OIP5: variants seen among roughly 807,000 people sequenced by gnomAD.
OIP5 encodes the protein protein Mis18-beta.
OIP5 carries 24 observed loss-of-function variants against 20.3 expected under a neutral mutation model. The observed-to-expected ratio is 1.18, with a 90% CI of 0.86 to 1.66. OIP5 has a LOEUF of 1.66. OIP5 is among the 40% of genes most tolerant of loss of function. The pLI is 0.00. For missense variants in OIP5, 339 were observed against 289.5 expected (o/e 1.17, Z -1.24); for synonymous variants, 143 against 121.3 (o/e 1.18, Z -1.17).
intron 2 of OIP5, among the ~76,000 whole-genome samples, chr15:41,325,869 TGC>T (rs2047858892): frequency 6.8e-6 from 1 of 146,532 alleles, no homozygotes; most frequent in Non-Finnish European, 1.5e-5. Flanking sequence ...AAAAAAAAAT[TGC>T]ATTACCTGGG....
intron 2 of OIP5, among the ~76,000 whole-genome samples, chr15:41,322,597 T>C (rs533000319): frequency 6.6e-6 from 1 of 152,178 alleles, no homozygotes; most frequent in South Asian, 2.1e-4. Flanking sequence ...TCTTACTTTG[T>C]TTCCCAGGCT....
At position 41,329,104 on chromosome 15, in the gene OIP5, C is replaced by T. The variant is rs569676768; in HGVS notation, c.389+2811G>A. Among the ~76,000 whole-genome samples, 138 of 141,500 alleles carry T rather than the reference C, an allele frequency of 9.8e-4. 1 individual carries two copies. The highest frequency in any genetic ancestry group is 1.8e-3 in the Admixed American group (26 of 14,224). The allele number at this position is 141,500 out of a possible 152,430, so 92.8% of individuals were successfully genotyped here. A position where few individuals can be genotyped will look rare whatever the true frequency, so the allele number is the denominator to read the frequency against. On this transcript the variant is annotated intron_variant, in intron 2 of 4. Transcript: ENST00000220514. Reference sequence around the variant, plus strand: ...AAAAAAAAAAAAAGAATAAAAAGAACCCGAGTCTGCTGTCTCTAAAATTTA... The same window carrying T: ...AAAAAAAAAAAAAGAATAAAAAGAATCCGAGTCTGCTGTCTCTAAAATTTA...
rs183523074 is a variant in OIP5, at chr15:41,309,353, G to A, written c.*401C>T. ...ACAGAAGTTAAAAAGTGATGTATTA[G>A]TATTCATAACAACTGCTCCATGCAG... On this transcript the variant is annotated 3_prime_UTR_variant, in exon 5 of 5. Transcript: ENST00000220514. The A allele has an allele frequency of 1.3e-5, 2 of 155,122 alleles. No individual in the cohort carries two copies. The highest frequency in any genetic ancestry group is 3.8e-4 in the East Asian group (2 of 5,268). The allele number at this position is 155,122 out of a possible 1,614,324, so 9.6% of individuals were successfully genotyped here.
chr15:41,314,036 GCA>G (rs2047774971), intron 3 of OIP5, among the ~76,000 whole-genome samples: 1 of 152,048 alleles, frequency 6.6e-6, no homozygotes, highest in Non-Finnish European at 1.5e-5. Context: ...GGATCCTGTA[GCA>G]CAGTTTGAAA....
chr15:41,323,740 G>A (rs1431630463), intron 2 of OIP5, among the ~76,000 whole-genome samples: 4 of 151,964 alleles, frequency 2.6e-5, no homozygotes, highest in Non-Finnish European at 5.9e-5. Flanking sequence ...CAAAGTGCTG[G>A]GATTACACAT....
chr15:41,323,352 A>G (rs748093209), intron 2 of OIP5, among the ~76,000 whole-genome samples: 9 of 152,152 alleles, frequency 5.9e-5, no homozygotes, highest in Non-Finnish European at 8.8e-5. Context: ...GGGTTTCCAG[A>G]AGGTTTTTGA....
At chr15:41,313,728 T>A (rs1053069466) in intron 3 of OIP5, among the ~76,000 whole-genome samples, 3 of 152,114 alleles carry the variant, frequency 2.0e-5, no homozygotes, top group African/African-American at 7.2e-5. Flanking sequence ...TTTTAAAGTA[T>A]AAAATATATA....
At chr15:41,316,717 G>C (rs184379340) in intron 3 of OIP5, among the ~76,000 whole-genome samples, 32 of 150,968 alleles carry the variant, frequency 2.1e-4, no homozygotes, top group African/African-American at 7.1e-4. Flanking sequence ...GTGAACCCAG[G>C]GGGTGAAGCT....
intron 2 of OIP5, among the ~76,000 whole-genome samples, chr15:41,327,892 G>C (rs1359592073): frequency 2.6e-5 from 4 of 152,160 alleles, no homozygotes; most frequent in Admixed American, 6.6e-5. Context: ...CAGATCACTT[G>C]AGTTCAGGAG....
intron 3 of OIP5, among the ~76,000 whole-genome samples, chr15:41,318,039 T>C (rs1404227129): frequency 6.6e-6 from 1 of 152,142 alleles, no homozygotes; most frequent in Non-Finnish European, 1.5e-5. Context: ...AAATCACACA[T>C]GATACAAATA....
At chr15:41,331,390 T>C (rs1204908925) in intron 2 of OIP5, among the ~76,000 whole-genome samples, 3 of 152,156 alleles carry the variant, frequency 2.0e-5, no homozygotes, top group Non-Finnish European at 4.4e-5. Context: ...AGTTCTAATA[T>C]CAAGCGTGGG....
chr15:41,331,524 G>C (rs949814439), intron 2 of OIP5, among the ~76,000 whole-genome samples: 1 of 152,214 alleles, frequency 6.6e-6, no homozygotes. Flanking sequence ...GGTAGGGGCT[G>C]TAGTGAGCTA....
chr15:41,319,087 T>C (rs76149150), intron 3 of OIP5, among the ~76,000 whole-genome samples: 1 of 151,724 alleles, frequency 6.6e-6, no homozygotes, highest in East Asian at 1.9e-4. Context: ...TTTTTTTTTT[T>C]TGAGACAGAG....
At chr15:41,327,833 T>G (rs549056882) in intron 2 of OIP5, among the ~76,000 whole-genome samples, 1 of 149,748 alleles carries the variant, frequency 6.7e-6, no homozygotes, top group East Asian at 2.0e-4. Flanking sequence ...AAAGGCTGAG[T>G]GCAGTGGCTC....
intron 2 of OIP5, among the ~76,000 whole-genome samples, chr15:41,324,151 A>G (rs1411904973): frequency 6.6e-6 from 1 of 151,008 alleles, no homozygotes; most frequent in African/African-American, 2.4e-5. Context: ...GCGCCACCAC[A>G]TCCGGCTAAA....
intron 2 of OIP5, among the ~76,000 whole-genome samples, chr15:41,327,072 G>T (rs2047866327): frequency 7.3e-6 from 1 of 137,892 alleles, no homozygotes; most frequent in Non-Finnish European, 1.6e-5. Context: ...AAATACTCCA[G>T]GAATTAAAAA....
rs1301066172 is a variant in OIP5 at position 41,332,510 on chromosome 15, C to T, written c.52G>A (p.Gly18Arg). The change falls in exon 1 of 5, where the codon GGG becomes AGG. Residue 18 changes from glycine (G) to arginine (R), a missense_variant. Coordinates refer to ENST00000220514, the MANE Select transcript of OIP5 (RefSeq NM_007280.2). Reference sequence around the variant, plus strand: ...CTCTCAGTGCCACCACAAAAGTCCCCCCGGGGCGGCGTTGCACAACGTGAG... The same window carrying T: ...CTCTCAGTGCCACCACAAAAGTCCCTCCGGGGCGGCGTTGCACAACGTGAG... ...HRSRCATPPRGDFCGGTERAI... is the reference protein window; with the variant it reads ...HRSRCATPPRRDFCGGTERAI... The T allele has an allele frequency of 4.3e-6, 7 of 1,613,698 alleles. No individual in the cohort carries two copies. The highest frequency in any genetic ancestry group is 1.1e-5 in the South Asian group (1 of 91,064).
chr15:41,328,819 G>T (rs2047878335), intron 2 of OIP5, among the ~76,000 whole-genome samples: 1 of 152,040 alleles, frequency 6.6e-6, no homozygotes, highest in Admixed American at 6.6e-5. Flanking sequence ...CAGCACTTTG[G>T]GAGGCTGAGG....
chr15:41,320,888 G>C (rs184382033), intron 2 of OIP5, among the ~76,000 whole-genome samples: 3,141 of 151,530 alleles, frequency 0.021, 56 homozygotes, highest in Non-Finnish European at 0.031. Flanking sequence ...GAGCGTCTCT[G>C]CCCGGCCTCC....
Sources: allele counts gnomAD v4.1 joint callset (sites outside exome capture counted in the v4.1 genomes callset), GRCh38; gene constraint gnomAD v4.1.1; transcripts MANE v1.5; gene names NCBI Gene and HGNC (gene_info 2026-07-23, HGNC 2026-07-21).